The following MS4A1 variants were observed in gnomAD, a reference collection of about 807,000 sequenced individuals.
The protein encoded by MS4A1 is membrane spanning 4-domains A1.
In MS4A1, 16 loss-of-function variants were observed where a neutral mutation model predicts 26.5. The ratio of observed to expected loss-of-function variants is 0.60; its 90% CI spans 0.41 to 0.92. The LOEUF is 0.92. Among genes scored for constraint, MS4A1 ranks in the 40% least tolerant of loss-of-function variants. The pLI, the probability that MS4A1 is intolerant of heterozygous loss-of-function variation, is 0.00. For missense variants in MS4A1, 350 were observed against 353.0 expected (o/e 0.99, Z 0.07); for synonymous variants, 128 against 117.6 (o/e 1.09, Z -0.57).
At chr11:60,460,930 A>T (rs1351347415) in intron 1 of MS4A1, 142 bp from the exon 2 acceptor site, 3 of 151,888 alleles carry the variant, frequency 2.0e-5, no homozygotes, top group Non-Finnish European at 4.4e-5. Context: ...CAGAAGGATA[A>T]AATCGAAACT....
At chr11:60,463,412 A>G (rs2135198712) in intron 4 of MS4A1, among the ~76,000 whole-genome samples, 1 of 152,296 alleles carries the variant, frequency 6.6e-6, no homozygotes, top group African/African-American at 2.4e-5. Flanking sequence ...GGGTGGCCCT[A>G]GACATTTAGA....
In MS4A1 at chr11:60,462,322, C is replaced by T. The variant is rs749814793; in HGVS notation, c.-53C>T. 4 of 1,604,084 alleles carry T rather than the reference C, an allele frequency of 2.5e-6. No homozygotes were observed. In the East Asian group the frequency reaches 6.7e-5, roughly 27 times the overall value. ...AGGTAAGACTGCCAAAAATCTTGTTCTTGCTCTCCTCATTTTGTTATTTGT... is the reference window on the plus strand; with the variant it reads ...AGGTAAGACTGCCAAAAATCTTGTTTTTGCTCTCCTCATTTTGTTATTTGT... On this transcript the variant is annotated 5_prime_UTR_variant, in exon 3 of 8. Coordinates refer to ENST00000345732, the MANE Select transcript of MS4A1 (RefSeq NM_152866.3).
rs1565195244 is a variant in MS4A1, at chr11:60,466,264, TAC to T, written c.573+108_573+109del. On this transcript the variant is annotated intron_variant, in intron 6 of 7. Coordinates refer to ENST00000345732, the MANE Select transcript of MS4A1 (RefSeq NM_152866.3). Reference sequence around the variant, plus strand: ...ATCCAGACCACCTGAGTTTGCTAGTTACTGTCTGTGTGGCTTTGGGAAAGAAT... The same window carrying T: ...ATCCAGACCACCTGAGTTTGCTAGTTTGTCTGTGTGGCTTTGGGAAAGAAT... 4.3e-6 allele frequency: 4 copies of T among 926,594 alleles called. No homozygotes were observed. The South Asian group carries it at 5.2e-5, about 12-fold the overall frequency. 57.4% of individuals were successfully genotyped at this position (926,594 alleles called of 1,614,324 possible).
At position 60,468,884 on chromosome 11, in the gene MS4A1, C is replaced by A; in HGVS notation, c.*416C>A. The A allele has an allele frequency of 5.5e-6, 1 of 182,284 alleles. No individual in the cohort carries two copies. 11.3% of individuals were successfully genotyped at this position (182,284 alleles called of 1,614,324 possible). A position where few individuals can be genotyped will look rare whatever the true frequency, so the allele number is the denominator to read the frequency against. ...CTATCTTTTTTTTATTCCACATCTA[C>A]GTTTTTGGTGGAGTCCCTTTTGCAT... On this transcript the variant is annotated 3_prime_UTR_variant, in exon 8 of 8. Coordinates refer to ENST00000345732, the MANE Select transcript of MS4A1 (RefSeq NM_152866.3).
At chr11:60,466,771 G>T (rs2086294911) in intron 6 of MS4A1, 188 bp from the exon 7 acceptor site, 10 of 637,314 alleles carry the variant, frequency 1.6e-5, no homozygotes, top group Non-Finnish European at 2.6e-5. Flanking sequence ...TGTGCCAAAA[G>T]TTGTGTTAAG....
Position 60,463,047 on chromosome 11 carries a change from C to G in MS4A1, c.205C>G (p.Leu69Val), listed in dbSNP as rs752030627. 6.2e-7 allele frequency: 1 copy of G among 1,614,098 alleles called. No individual in the cohort carries two copies. The highest frequency in any genetic ancestry group is 1.1e-5 in the South Asian group (1 of 91,072). The change falls in exon 4 of 8, where the codon CTT becomes GTT. Residue 69 changes from leucine to valine, a missense_variant. Coordinates refer to ENST00000345732, the MANE Select transcript of MS4A1 (RefSeq NM_152866.3). The stretch of plus-strand genomic sequence containing the variant: ...GCTCTTCCACATTGCCCTGGGGGGT[C>G]TTCTGATGATCCCAGCAGGGATCTA... The part of the protein sequence containing the change: ...NGLFHIALGG[L>V]LMIPAGIYAP...
In MS4A1 at chr11:60,469,637, G is replaced by A. The variant is rs1429708003; in HGVS notation, c.*1169G>A. On this transcript the variant is annotated 3_prime_UTR_variant, in exon 8 of 8. Coordinates refer to ENST00000345732, the MANE Select transcript of MS4A1 (RefSeq NM_152866.3). ...TTTCACCACATTTGGAAAACTACTT[G>A]CATCATAAATATATAATAACTGGTA... The A allele has an allele frequency of 3.3e-5, 5 of 152,082 alleles. No individual in the cohort carries two copies. Among genetic ancestry groups the A allele is most frequent in the Admixed American group, 1.3e-4 (2 of 15,266 alleles). The allele number at this position is 152,082 out of a possible 1,614,324, so 9.4% of individuals were successfully genotyped here.
chr11:60,461,793 T>C (rs902252209), intron 2 of MS4A1, among the ~76,000 whole-genome samples: 1 of 151,522 alleles, frequency 6.6e-6, no homozygotes, highest in African/African-American at 2.4e-5. Context: ...GTGCTTGGAT[T>C]ACAGGCATGA....
At chr11:60,464,059 G>C (rs1046888752) in intron 4 of MS4A1, 2 of 577,392 alleles carry the variant, frequency 3.5e-6, no homozygotes, top group South Asian at 2.2e-5. Flanking sequence ...ATCCCCAGAT[G>C]ATTGAGTAAA....
In MS4A1 at chr11:60,466,051, G is replaced by C; in HGVS notation, c.467G>C (p.Arg156Thr). The C allele has an allele frequency of 6.2e-7, 1 of 1,613,796 alleles. No homozygotes were observed. Among genetic ancestry groups the C allele is most frequent in the Non-Finnish European group, 8.5e-7 (1 of 1,179,800 alleles). Residue 156 changes from arginine (R) to threonine (T), a missense_variant, in exon 6 of 8, where the codon AGA (arginine) becomes ACA (threonine). Arg to Thr is a moderately conservative substitution (Grantham distance 71, BLOSUM62 -1). Transcript: ENST00000345732. ...FLKMESLNFIRAHTPYINIYN... is the reference protein window; with the variant it reads ...FLKMESLNFITAHTPYINIYN... ...AAAATGGAGAGTCTGAATTTTATTA[G>C]AGCTCACACACCATATATTAACATA...
chr11:60,464,416 C>A (rs2135199991), intron 5 of MS4A1, 72 bp downstream of exon 5: 1 of 1,350,846 alleles, frequency 7.4e-7, no homozygotes, highest in Non-Finnish European at 1.1e-6. Context: ...AAACTGAGAC[C>A]CTTAAAAAGC....
chr11:60,456,838 C>A (rs1464913530), intron 1 of MS4A1, among the ~76,000 whole-genome samples: 1 of 152,044 alleles, frequency 6.6e-6, no homozygotes, highest in African/African-American at 2.4e-5. Context: ...TCCATGTTGG[C>A]CAGGCTGGTC....
rs2086335239 is a variant in MS4A1 at position 60,470,502 on chromosome 11, CTCACA to C, written c.*2036_*2040del. Reference sequence around the variant, plus strand: ...CCTCAAATAATTAGTTTTAGCTGACCTCACATAACTCCTTATAATAGGAGACATCT... The same window carrying C: ...CCTCAAATAATTAGTTTTAGCTGACCTAACTCCTTATAATAGGAGACATCT... On this transcript the variant is annotated 3_prime_UTR_variant, in exon 8 of 8. Coordinates refer to ENST00000345732, the MANE Select transcript of MS4A1 (RefSeq NM_152866.3). The C allele has an allele frequency of 1.3e-5, 2 of 151,916 alleles. No individual in the cohort carries two copies. Among genetic ancestry groups the C allele is most frequent in the South Asian group, 4.2e-4 (2 of 4,794 alleles). The allele number at this position is 151,916 out of a possible 1,614,324, so 9.4% of individuals were successfully genotyped here. A position where few individuals can be genotyped will look rare whatever the true frequency, so the allele number is the denominator to read the frequency against.
In MS4A1 at chr11:60,462,415, C is replaced by G; in HGVS notation, c.41C>G (p.Ala14Gly). ...AATTCAGTAAATGGGACTTTCCCGG[C>G]AGAGCCAATGAAAGGCCCTATTGCT... ...PRNSVNGTFP[A>G]EPMKGPIAMQ... Residue 14 changes from alanine (A) to glycine (G), a missense_variant, in exon 3 of 8, where the codon GCA becomes GGA. Ala to Gly is a moderately conservative substitution (Grantham distance 60, BLOSUM62 0). Coordinates refer to ENST00000345732, the MANE Select transcript of MS4A1 (RefSeq NM_152866.3). 1 of 1,614,182 alleles carries G rather than the reference C, an allele frequency of 6.2e-7. No individual in the cohort carries two copies. Among genetic ancestry groups the G allele is most frequent in the Non-Finnish European group, 8.5e-7 (1 of 1,180,028 alleles).
rs372476401 is a variant in MS4A1, at chr11:60,464,354, C to G, written c.336+10C>G. 6 of 1,612,018 alleles carry G rather than the reference C, an allele frequency of 3.7e-6. No individual in the cohort carries two copies. In the South Asian group the frequency reaches 6.6e-5, roughly 18 times the overall value. ...CTCCAGGAAGTGTTTGGCAAGTAAC[C>G]ATATGTCCTTCTTTCCCACATGTCA... On this transcript the variant is annotated intron_variant, in intron 5 of 7. Coordinates refer to ENST00000345732, the MANE Select transcript of MS4A1 (RefSeq NM_152866.3).
In MS4A1 at chr11:60,470,349, A is replaced by G. The variant is rs1180315669; in HGVS notation, c.*1881A>G. The G allele has an allele frequency of 6.6e-6, 1 of 152,026 alleles. No individual in the cohort carries two copies. The highest frequency in any genetic ancestry group is 1.5e-5 in the Non-Finnish European group (1 of 67,896). The allele number at this position is 152,026 out of a possible 1,614,324, so 9.4% of individuals were successfully genotyped here. ...TAGGAGCAGGCCTGAGAAAAAAATG[A>G]AAGTCAGAAATCTTTAAAAAAATAC... On this transcript the variant is annotated 3_prime_UTR_variant, in exon 8 of 8. Coordinates refer to ENST00000345732, the MANE Select transcript of MS4A1 (RefSeq NM_152866.3).
At chr11:60,467,670 T>C (rs925766465) in intron 7 of MS4A1, among the ~76,000 whole-genome samples, 5 of 99,484 alleles carry the variant, frequency 5.0e-5, no homozygotes, top group African/African-American at 1.8e-4. Context: ...AGCAAGATGG[T>C]TGAAGGTTGA....
chr11:60,457,455 GA>G (rs759455364), intron 1 of MS4A1, among the ~76,000 whole-genome samples: 23 of 152,264 alleles, frequency 1.5e-4, no homozygotes, highest in Middle Eastern at 6.8e-3. Flanking sequence ...CAATGGATTA[GA>G]AAAGAGAAAG....
rs2086333681 is a variant in MS4A1 at position 60,470,335 on chromosome 11, C to A, written c.*1867C>A. The A allele has an allele frequency of 6.6e-6, 1 of 151,706 alleles. No homozygotes were observed. Among genetic ancestry groups the A allele is most frequent in the African/African-American group, 2.4e-5 (1 of 41,314 alleles). The allele number at this position is 151,706 out of a possible 1,614,324, so 9.4% of individuals were successfully genotyped here. A position where few individuals can be genotyped will look rare whatever the true frequency, so the allele number is the denominator to read the frequency against. On this transcript the variant is annotated 3_prime_UTR_variant, in exon 8 of 8. Transcript: ENST00000345732. ...GGAAAAGGACATAGTAGGAGCAGGCCTGAGAAAAAAATGAAAGTCAGAAAT... is the reference window on the plus strand; with the variant it reads ...GGAAAAGGACATAGTAGGAGCAGGCATGAGAAAAAAATGAAAGTCAGAAAT...
Sources: allele counts gnomAD v4.1 joint callset (sites outside exome capture counted in the v4.1 genomes callset), GRCh38; gene constraint gnomAD v4.1.1; transcripts MANE v1.5; gene names NCBI Gene and HGNC (gene_info 2026-07-23, HGNC 2026-07-21).